SYCP1: variants seen among roughly 807,000 people sequenced by gnomAD.
SYCP1 encodes cancer/testis antigen 8.
Under a neutral mutation model 153.1 loss-of-function variants are expected in SYCP1, and 64 were observed. That is an observed-to-expected ratio of 0.42 (90% confidence interval 0.34 to 0.51). The LOEUF (loss-of-function observed/expected upper bound fraction) is 0.51. Among genes scored for constraint, SYCP1 ranks in the 20% least tolerant of loss-of-function variants. The probability of loss-of-function intolerance (pLI) is 0.06; values close to 1 mark genes in which losing one functional copy is unlikely to be tolerated. For missense variants in SYCP1, 997 were observed against 1,049.0 expected (o/e 0.95, Z 0.68); for synonymous variants, 384 against 341.8 (o/e 1.12, Z -1.36).
At chr1:114,904,725 G>A (rs1379096695) in intron 16 of SYCP1, among the ~76,000 whole-genome samples, 1 of 152,038 alleles carries the variant, frequency 6.6e-6, no homozygotes, top group Non-Finnish European at 1.5e-5. Flanking sequence ...CTTATTGCAT[G>A]GCCTCAGACT....
intron 28 of SYCP1, among the ~76,000 whole-genome samples, chr1:114,978,664 A>C (rs1672951011): frequency 6.6e-6 from 1 of 151,704 alleles, no homozygotes; most frequent in Admixed American, 6.6e-5. Context: ...TTAAACTGGA[A>C]GGAAATGACA....
At chr1:114,944,642 T>C (rs1207615119) in intron 24 of SYCP1, among the ~76,000 whole-genome samples, 187 bp downstream of exon 24, 2 of 151,806 alleles carry the variant, frequency 1.3e-5, no homozygotes, top group African/African-American at 4.8e-5. Context: ...ATTCTAAGTA[T>C]TTGAGTATAT....
In SYCP1 at chr1:114,969,529, C is replaced by T. The variant is rs114779318; in HGVS notation, c.2323-8028C>T. On this transcript the variant is annotated intron_variant, in intron 27 of 31. Transcript: ENST00000369522. ...TCAAGCATCCCAGGTTGACTTTAGA[C>T]TGCTGTTTTGGCAGTGAGAATTTGA... Among the ~76,000 whole-genome samples, 1,283 of 152,322 alleles carry T rather than the reference C, an allele frequency of 8.4e-3. 21 individuals are homozygous for T. Among genetic ancestry groups the T allele is most frequent in the African/African-American group, 0.029 (1,218 of 41,568 alleles).
intron 27 of SYCP1, among the ~76,000 whole-genome samples, chr1:114,964,516 G>A (rs1428378976): frequency 1.3e-5 from 2 of 152,026 alleles, no homozygotes; most frequent in Non-Finnish European, 2.9e-5. Flanking sequence ...TAGGTCTTAA[G>A]TTTAAGTCTT....
At position 114,907,351 on chromosome 1, in the gene SYCP1, C is replaced by T. The variant is rs73000558; in HGVS notation, c.1321-3046C>T. ...GTTGATGTGGCTTAGATTAGATTCA[C>T]CATTTAAAAGTTGTTTTCCGTTTGC... On this transcript the variant is annotated intron_variant, in intron 16 of 31. Coordinates refer to ENST00000369522, the MANE Select transcript of SYCP1 (RefSeq NM_003176.4). Among the ~76,000 whole-genome samples the T allele has an allele frequency of 6.8e-3, 1,034 of 152,200 alleles. 7 individuals are homozygous for T. Among genetic ancestry groups the T allele is most frequent in the African/African-American group, 0.023 (976 of 41,534 alleles).
At chr1:114,933,373 T>G (rs1166191699) in intron 23 of SYCP1, among the ~76,000 whole-genome samples, 1 of 151,298 alleles carries the variant, frequency 6.6e-6, no homozygotes, top group Non-Finnish European at 1.5e-5. Context: ...AGAAACAACA[T>G]CCACACCAAA....
chr1:114,960,163 GTTTTTTTT>G (rs757126453), intron 27 of SYCP1, among the ~76,000 whole-genome samples: 1 of 109,476 alleles, frequency 9.1e-6, no homozygotes, highest in African/African-American at 3.9e-5. Flanking sequence ...TAGTTTGCTT[GTTTTTTTT>G]TTTTTTTTTT....
chr1:114,922,763 G>A (rs2101724198), intron 20 of SYCP1, among the ~76,000 whole-genome samples: 1 of 152,112 alleles, frequency 6.6e-6, no homozygotes, highest in Non-Finnish European at 1.5e-5. Flanking sequence ...CTTCCAAATA[G>A]TCCCCCAGAG....
At chr1:114,882,967 T>C (rs962184103) in intron 12 of SYCP1, among the ~76,000 whole-genome samples, 2 of 152,216 alleles carry the variant, frequency 1.3e-5, no homozygotes, top group South Asian at 2.1e-4. Context: ...ATCTTTGGGT[T>C]TTCATATATC....
chr1:114,868,839 T>C (rs1397494580), intron 8 of SYCP1, among the ~76,000 whole-genome samples: 2 of 152,204 alleles, frequency 1.3e-5, no homozygotes, highest in Non-Finnish European at 2.9e-5. Context: ...GGGCATAGAA[T>C]TGTTCATAAT....
At chr1:114,866,381 G>A (rs983364974) in intron 8 of SYCP1, among the ~76,000 whole-genome samples, 4 of 152,070 alleles carry the variant, frequency 2.6e-5, no homozygotes, top group Admixed American at 2.6e-4. Flanking sequence ...ATTCGAATAG[G>A]GGTATGTATT....
intron 15 of SYCP1, among the ~76,000 whole-genome samples, chr1:114,891,313 C>A (rs1256089897): frequency 6.6e-6 from 1 of 152,182 alleles, no homozygotes; most frequent in East Asian, 1.9e-4. Context: ...ATTATAGTTA[C>A]AATAGCTTGA....
chr1:114,895,075 A>G (rs941152388), intron 15 of SYCP1, among the ~76,000 whole-genome samples: 2 of 152,114 alleles, frequency 1.3e-5, no homozygotes, highest in Non-Finnish European at 2.9e-5. Context: ...TTAGCTTGAG[A>G]AAAGAGAATC....
intron 27 of SYCP1, among the ~76,000 whole-genome samples, chr1:114,954,070 A>G (rs941913956): frequency 6.6e-6 from 1 of 152,106 alleles, no homozygotes; most frequent in Non-Finnish European, 1.5e-5. Flanking sequence ...TCTTATTTTT[A>G]TTAATTTTTA....
chr1:114,921,825 T>C (rs888796410), intron 20 of SYCP1, among the ~76,000 whole-genome samples: 1 of 152,150 alleles, frequency 6.6e-6, no homozygotes, highest in Non-Finnish European at 1.5e-5. Context: ...GTAAGACAGG[T>C]CTGGTGTTAA....
chr1:114,944,047 A>C (rs1670540964), intron 23 of SYCP1, among the ~76,000 whole-genome samples: 1 of 151,868 alleles, frequency 6.6e-6, no homozygotes, highest in Non-Finnish European at 1.5e-5. Flanking sequence ...AAAGCGTATT[A>C]AACTGAGTGA....
intron 20 of SYCP1, among the ~76,000 whole-genome samples, chr1:114,918,813 A>T (rs2101706057): frequency 6.6e-6 from 1 of 152,068 alleles, no homozygotes; most frequent in East Asian, 1.9e-4. Context: ...GGCATATAGA[A>T]ATGCTACTGA....
chr1:114,991,062 A>G (rs1673883180), intron 30 of SYCP1, among the ~76,000 whole-genome samples: 1 of 151,988 alleles, frequency 6.6e-6, no homozygotes, highest in Non-Finnish European at 1.5e-5. Flanking sequence ...AATAAGTTAA[A>G]TAATGCTTAT....
intron 27 of SYCP1, among the ~76,000 whole-genome samples, chr1:114,951,933 C>G (rs1671134331): frequency 6.6e-6 from 1 of 152,026 alleles, no homozygotes; most frequent in Admixed American, 6.6e-5. Flanking sequence ...GAGATTTATC[C>G]AAGTTGTTAG....
Sources: allele counts gnomAD v4.1 joint callset (sites outside exome capture counted in the v4.1 genomes callset), GRCh38; gene constraint gnomAD v4.1.1; transcripts MANE v1.5; gene names NCBI Gene and HGNC (gene_info 2026-07-23, HGNC 2026-07-21).